The following ADAM12 variants were observed in gnomAD, a reference collection of about 807,000 sequenced individuals.
ADAM12 encodes ADAM metallopeptidase domain 12.
A neutral mutation model predicts 106.4 loss-of-function variants in ADAM12; 70 were observed. The observed-to-expected ratio is 0.66, with a 90% CI of 0.54 to 0.80. The LOEUF (loss-of-function observed/expected upper bound fraction) is 0.80. Ranked by LOEUF, ADAM12 falls within the 30% of genes least tolerant of loss-of-function variation. The pLI is 0.00. For missense variants in ADAM12, 1,010 were observed against 1,171.9 expected (o/e 0.86, Z 2.02); for synonymous variants, 420 against 433.5 (o/e 0.97, Z 0.39).
At position 126,150,282 on chromosome 10, in the gene ADAM12, T is replaced by C. The variant is rs190828722; in HGVS notation, c.339+4945A>G. On this transcript the variant is annotated intron_variant, in intron 4 of 22. Transcript: ENST00000448723. ...GATCTTAGGGAGGTAAAAGAGGACA[T>C]AAACGTCAAATGTGAACTCATGGCC... is the stretch of plus-strand genomic sequence containing the variant. 5.6e-4 allele frequency among the ~76,000 whole-genome samples: 85 copies of C among 152,318 alleles called. No homozygotes were observed. The Middle Eastern group carries it at 0.01, about 18-fold the overall frequency.
intron 3 of ADAM12, among the ~76,000 whole-genome samples, chr10:126,269,119 G>GCATTTGT (rs1420918635): frequency 6.6e-6 from 1 of 152,148 alleles, no homozygotes; most frequent in African/African-American, 2.4e-5. Flanking sequence ...CGTTGCCACG[G>GCATTTGT]CATTTGTAAA....
At chr10:126,206,688 C>A (rs1397091079) in intron 3 of ADAM12, among the ~76,000 whole-genome samples, 1 of 152,214 alleles carries the variant, frequency 6.6e-6, no homozygotes, top group African/African-American at 2.4e-5. Context: ...AAGAAACATG[C>A]AAGAATCATG....
intron 6 of ADAM12, among the ~76,000 whole-genome samples, chr10:126,110,481 A>G (rs917864510): frequency 6.7e-6 from 1 of 149,108 alleles, no homozygotes; most frequent in African/African-American, 2.5e-5. Context: ...GTATGAGGAG[A>G]AAAAAAAAAG....
At chr10:126,022,126 A>C (rs980450986) in intron 21 of ADAM12, among the ~76,000 whole-genome samples, 7 of 152,168 alleles carry the variant, frequency 4.6e-5, no homozygotes, top group African/African-American at 1.7e-4. Context: ...ATATATTTGG[A>C]TTTATCATGG....
At chr10:126,042,302 C>T in intron 18 of ADAM12, 1 of 1,582,996 alleles carries the variant, frequency 6.3e-7, no homozygotes. Context: ...TCAGAGAAAA[C>T]AGCACCGCAC....
intron 1 of ADAM12, among the ~76,000 whole-genome samples, chr10:126,373,589 C>T (rs1390403010): frequency 6.6e-6 from 1 of 152,168 alleles, no homozygotes; most frequent in East Asian, 1.9e-4. Flanking sequence ...AACACTGTAT[C>T]CCCAGTTCCT....
intron 1 of ADAM12, among the ~76,000 whole-genome samples, chr10:126,350,791 G>A (rs974350474): frequency 1.3e-5 from 2 of 152,186 alleles, no homozygotes; most frequent in African/African-American, 4.8e-5. Flanking sequence ...GTGAGCCTTG[G>A]AGGCCGGGCA....
intron 3 of ADAM12, among the ~76,000 whole-genome samples, chr10:126,221,389 C>CAAAAAA (rs35766891): frequency 7.0e-5 from 7 of 100,696 alleles, no homozygotes; most frequent in African/African-American, 1.8e-4. Flanking sequence ...GACTCTGTCT[C>CAAAAAA]AAAAAAAAAA....
At chr10:126,106,152 T>C (rs1437955253) in intron 8 of ADAM12, among the ~76,000 whole-genome samples, 1 of 152,124 alleles carries the variant, frequency 6.6e-6, no homozygotes, top group Non-Finnish European at 1.5e-5. Flanking sequence ...CAGCCTCTGC[T>C]TGGTCATCAT....
intron 5 of ADAM12, among the ~76,000 whole-genome samples, chr10:126,126,912 C>A (rs1410470116): frequency 6.6e-6 from 1 of 151,892 alleles, no homozygotes; most frequent in African/African-American, 2.4e-5. Flanking sequence ...GGAGACCTAC[C>A]CAGAGGAGTT....
chr10:126,163,699 C>A (rs936621277), intron 3 of ADAM12, among the ~76,000 whole-genome samples: 1 of 152,208 alleles, frequency 6.6e-6, no homozygotes. Flanking sequence ...GTGAATCAGC[C>A]TTTCTCTTGT....
chr10:126,223,683 G>A (rs868204124), intron 3 of ADAM12, among the ~76,000 whole-genome samples: 10 of 152,158 alleles, frequency 6.6e-5, no homozygotes, highest in African/African-American at 1.9e-4. Context: ...GACGTGGGCC[G>A]ATGCCAGGCT....
intron 2 of ADAM12, among the ~76,000 whole-genome samples, chr10:126,311,114 C>CACACAT (rs1554863914): frequency 2.6e-5 from 4 of 151,448 alleles, no homozygotes; most frequent in African/African-American, 9.7e-5. Context: ...CACACACACA[C>CACACAT]ACACACACAC....
chr10:126,029,069 T>C (rs7095292), intron 21 of ADAM12, among the ~76,000 whole-genome samples: 2,387 of 152,232 alleles, frequency 0.016, 62 homozygotes, highest in African/African-American at 0.052. Flanking sequence ...CTCATGCCAG[T>C]CAGAATGGCA....
chr10:126,181,843 C>CA (rs1216601418), intron 3 of ADAM12, among the ~76,000 whole-genome samples: 1 of 152,164 alleles, frequency 6.6e-6, no homozygotes, highest in Admixed American at 6.5e-5. Flanking sequence ...CTGGACCGAC[C>CA]AATAGCCGCA....
intron 3 of ADAM12, among the ~76,000 whole-genome samples, chr10:126,206,130 C>A (rs895573156): frequency 6.6e-6 from 1 of 152,116 alleles, no homozygotes; most frequent in East Asian, 1.9e-4. Flanking sequence ...AATAACTAGA[C>A]CACAAAACCC....
chr10:126,380,848 G>C (rs1050381922), intron 1 of ADAM12, among the ~76,000 whole-genome samples: 1 of 152,164 alleles, frequency 6.6e-6, no homozygotes, highest in Non-Finnish European at 1.5e-5. Context: ...TAGCCATTTG[G>C]TACAGAAGAA....
chr10:126,318,355 C>T (rs1351000118), intron 2 of ADAM12, among the ~76,000 whole-genome samples: 1 of 151,740 alleles, frequency 6.6e-6, no homozygotes, highest in African/African-American at 2.4e-5. Context: ...CACATTCACA[C>T]TCTCTCACTC....
At chr10:126,154,934 T>G (rs892915667) in intron 4 of ADAM12, among the ~76,000 whole-genome samples, 1 of 152,114 alleles carries the variant, frequency 6.6e-6, no homozygotes, top group African/African-American at 2.4e-5. Context: ...ACTGGCTAGG[T>G]TTTCTAAAAA....
Sources: allele counts gnomAD v4.1 joint callset (sites outside exome capture counted in the v4.1 genomes callset), GRCh38; gene constraint gnomAD v4.1.1; transcripts MANE v1.5; gene names NCBI Gene and HGNC (gene_info 2026-07-23, HGNC 2026-07-21).